Variants in FRY observed in about 807,000 individuals in gnomAD.
FRY encodes FRY microtubule binding protein, also known as protein furry homolog.
A neutral mutation model predicts 348.4 loss-of-function variants in FRY; 128 were observed. The ratio of observed to expected loss-of-function variants is 0.37; its 90% CI spans 0.32 to 0.43. The LOEUF (loss-of-function observed/expected upper bound fraction) is 0.43. Ranked by LOEUF, FRY falls within the 20% of genes least tolerant of loss-of-function variation. The pLI, the probability that FRY is intolerant of heterozygous loss-of-function variation, is 1.00. For synonymous variants in FRY, 1,370 were observed against 1,374.7 expected, an observed-to-expected ratio of 1.00 and a Z score of 0.08; for missense variants, 2,736 against 3,695.2, an observed-to-expected ratio of 0.74 and a Z score of 6.73.
chr13:32,109,731 A>C (rs1294842614), intron 3 of FRY, among the ~76,000 whole-genome samples: 1 of 152,158 alleles, frequency 6.6e-6, no homozygotes, highest in African/African-American at 2.4e-5. Flanking sequence ...GGCAGAAGAC[A>C]AGAGAAGGCT....
At chr13:32,079,114 G>T in intron 2 of FRY, 81 bp downstream of exon 2, 1 of 974,008 alleles carries the variant, frequency 1.0e-6, no homozygotes, top group South Asian at 1.3e-5. Context: ...TATAACAAAA[G>T]ATGGATTGCT....
chr13:32,209,270 A>C (rs1884541062), intron 32 of FRY, among the ~76,000 whole-genome samples, 161 bp downstream of exon 32: 1 of 152,204 alleles, frequency 6.6e-6, no homozygotes, highest in African/African-American at 2.4e-5. Context: ...ACTTAATGCC[A>C]CAGGCTGTAC....
chr13:32,224,802 T>A lies in FRY; in HGVS notation c.4917-131T>A, dbSNP rs548563292. ...ATGCTGTGTTACAAGTTAAACTCTA[T>A]TTCCCCCGAATAAGAGCCTTATATA... On this transcript the variant is annotated intron_variant, in intron 37 of 60. Transcript: ENST00000542859. 16 of 706,052 alleles carry A rather than the reference T, an allele frequency of 2.3e-5. No homozygotes were observed. In the African/African-American group the frequency reaches 2.3e-4, roughly 10 times the overall value. 43.7% of individuals were successfully genotyped at this position (706,052 alleles called of 1,614,324 possible). A position where few individuals can be genotyped will look rare whatever the true frequency, so the allele number is the denominator to read the frequency against.
chr13:32,049,679 C>T (rs1324969412), intron 1 of FRY, among the ~76,000 whole-genome samples: 1 of 152,136 alleles, frequency 6.6e-6, no homozygotes, highest in Non-Finnish European at 1.5e-5. Context: ...GAGGTAGGGA[C>T]AATCACTGCG....
At chr13:32,038,007 C>G (rs1487767529) in intron 1 of FRY, among the ~76,000 whole-genome samples, 1 of 152,078 alleles carries the variant, frequency 6.6e-6, no homozygotes, top group East Asian at 1.9e-4. Context: ...GGTACTAAAC[C>G]TTACATTTAT....
intron 17 of FRY, among the ~76,000 whole-genome samples, chr13:32,164,526 C>T (rs1485334767): frequency 6.6e-6 from 1 of 152,138 alleles, no homozygotes; most frequent in East Asian, 1.9e-4. Flanking sequence ...TAGTATGTTG[C>T]ACATGACAAC....
chr13:32,221,407 G>A (rs1251935835), intron 36 of FRY, among the ~76,000 whole-genome samples: 4 of 152,228 alleles, frequency 2.6e-5, no homozygotes, highest in Non-Finnish European at 5.9e-5. Context: ...AAATACCTGG[G>A]TTAAATCCTG....
chr13:32,134,228 G>T (rs1353539516), intron 8 of FRY, among the ~76,000 whole-genome samples: 1 of 152,148 alleles, frequency 6.6e-6, no homozygotes, highest in Non-Finnish European at 1.5e-5. Context: ...ATGTTGGCAG[G>T]CCAACTTTCC....
At chr13:32,210,610 C>T (rs1217516755) in intron 33 of FRY, among the ~76,000 whole-genome samples, 1 of 152,076 alleles carries the variant, frequency 6.6e-6, no homozygotes, top group Non-Finnish European at 1.5e-5. Context: ...AATTCACGTA[C>T]CTCAAAAGTA....
intron 59 of FRY, among the ~76,000 whole-genome samples, chr13:32,294,025 C>T (rs922924505): frequency 1.3e-5 from 2 of 152,120 alleles, no homozygotes; most frequent in Non-Finnish European, 2.9e-5. Flanking sequence ...ACTGCAGAGC[C>T]GGCATTTGAA....
At chr13:32,146,370 T>C (rs1880455630) in intron 11 of FRY, among the ~76,000 whole-genome samples, 1 of 152,212 alleles carries the variant, frequency 6.6e-6, no homozygotes, top group Non-Finnish European at 1.5e-5. Flanking sequence ...AGAGTCTCGC[T>C]CTGTCGCCCA....
chr13:32,232,720 C>A (rs1453790628), intron 41 of FRY, among the ~76,000 whole-genome samples: 1 of 152,114 alleles, frequency 6.6e-6, no homozygotes, highest in Non-Finnish European at 1.5e-5. Flanking sequence ...TTTTCCACAT[C>A]CCATGGGCCA....
chr13:32,094,669 T>A (rs1876569777), intron 2 of FRY, among the ~76,000 whole-genome samples: 1 of 152,212 alleles, frequency 6.6e-6, no homozygotes, highest in Non-Finnish European at 1.5e-5. Flanking sequence ...TCCATCCATG[T>A]TGTTGCAAAT....
At chr13:32,124,171 A>G (rs1878878053) in intron 4 of FRY, 115 bp from the exon 5 acceptor site, 3 of 711,002 alleles carry the variant, frequency 4.2e-6, no homozygotes, top group Non-Finnish European at 2.5e-6. Context: ...GCAATTATAT[A>G]ATTTTAAAAA....
At chr13:32,085,305 A>G (rs1447032495) in intron 2 of FRY, among the ~76,000 whole-genome samples, 1 of 152,196 alleles carries the variant, frequency 6.6e-6, no homozygotes, top group Non-Finnish European at 1.5e-5. Context: ...TCTATATAGC[A>G]TCTATTACTG....
intron 36 of FRY, among the ~76,000 whole-genome samples, chr13:32,222,390 A>G (rs536656919): frequency 6.6e-6 from 1 of 152,204 alleles, no homozygotes; most frequent in Admixed American, 6.5e-5. Flanking sequence ...AGAAAGAGAC[A>G]CTACTGAACT....
At chr13:32,056,542 C>T (rs1336568806) in intron 1 of FRY, among the ~76,000 whole-genome samples, 1 of 152,128 alleles carries the variant, frequency 6.6e-6, no homozygotes, top group African/African-American at 2.4e-5. Flanking sequence ...GTTCCCTGCC[C>T]TTATTATGGT....
intron 48 of FRY, among the ~76,000 whole-genome samples, chr13:32,248,774 A>G (rs1022868631): frequency 1.3e-5 from 2 of 152,074 alleles, no homozygotes; most frequent in South Asian, 2.1e-4. Context: ...GGCTAGGGGG[A>G]AAAGCTATTT....
rs560146040 is a variant in FRY, at chr13:32,117,079, A to T, written c.325-255A>T. Among the ~76,000 whole-genome samples the T allele has an allele frequency of 3.3e-5, 5 of 152,346 alleles. No individual in the cohort carries two copies. The South Asian group carries it at 1.0e-3, about 32-fold the overall frequency. ...CATGAATAACCTGTATGCAATTAAC[A>T]TCTGATTTCTAGAATGAAAGGGAGT... On this transcript the variant is annotated intron_variant, in intron 3 of 60. Coordinates refer to ENST00000542859, the MANE Select transcript of FRY (RefSeq NM_023037.3).
Sources: allele counts gnomAD v4.1 joint callset (sites outside exome capture counted in the v4.1 genomes callset), GRCh38; gene constraint gnomAD v4.1.1; transcripts MANE v1.5; gene names NCBI Gene and HGNC (gene_info 2026-07-23, HGNC 2026-07-21).